Variants in ANKS1B observed in about 807,000 individuals in gnomAD.
ANKS1B encodes the protein ankyrin repeat and sterile alpha motif domain-containing protein 1B.
Under a neutral mutation model 148.3 loss-of-function variants are expected in ANKS1B, and 36 were observed. That is an observed-to-expected ratio of 0.24 (90% confidence interval 0.19 to 0.32). The LOEUF (loss-of-function observed/expected upper bound fraction) is 0.32. ANKS1B is among the 10% of genes least tolerant of loss of function. ANKS1B has a pLI of 1.00. For missense variants in ANKS1B, 1,157 were observed against 1,542.6 expected (o/e 0.75, Z 4.19); for synonymous variants, 542 against 560.8 (o/e 0.97, Z 0.47).
chr12:99,503,243 A>C (rs1214693225), intron 10 of ANKS1B, among the ~76,000 whole-genome samples: 1 of 152,248 alleles, frequency 6.6e-6, no homozygotes, highest in Non-Finnish European at 1.5e-5. Context: ...CTAAGAATAT[A>C]GGCATGAGCC....
chr12:99,305,026 G>T (rs1371895992), intron 12 of ANKS1B, among the ~76,000 whole-genome samples: 1 of 152,102 alleles, frequency 6.6e-6, no homozygotes, highest in Non-Finnish European at 1.5e-5. Context: ...TTCCAGTGAG[G>T]CCTCAGGAAG....
chr12:99,658,619 GCT>G (rs1384778412), intron 8 of ANKS1B, among the ~76,000 whole-genome samples: 1 of 152,020 alleles, frequency 6.6e-6, no homozygotes, highest in Admixed American at 6.5e-5. Flanking sequence ...TTAAATCCTA[GCT>G]CTACCACTTC....
chr12:99,963,950 CTCAGT>C (rs1273210833), intron 1 of ANKS1B, among the ~76,000 whole-genome samples: 2 of 152,182 alleles, frequency 1.3e-5, no homozygotes, highest in Admixed American at 6.5e-5. Context: ...CAGTTAATAT[CTCAGT>C]TCTTTTATAA....
chr12:98,788,589 C>T (rs2098819198), intron 22 of ANKS1B, among the ~76,000 whole-genome samples: 1 of 152,214 alleles, frequency 6.6e-6, no homozygotes, highest in South Asian at 2.1e-4. Context: ...ATTGAAACCA[C>T]ACCTCCTGCA....
At chr12:99,459,921 G>A (rs1033467377) in intron 10 of ANKS1B, among the ~76,000 whole-genome samples, 3 of 151,794 alleles carry the variant, frequency 2.0e-5, no homozygotes, top group Admixed American at 6.6e-5. Context: ...AAATTCATAC[G>A]GACCCCAAAA....
chr12:98,952,893 C>T (rs2099856209), intron 17 of ANKS1B, among the ~76,000 whole-genome samples: 2 of 152,120 alleles, frequency 1.3e-5, no homozygotes, highest in African/African-American at 4.8e-5. Flanking sequence ...GCTTCTCATC[C>T]CACTGCCCAT....
chr12:99,883,855 G>A (rs999567326), intron 1 of ANKS1B, among the ~76,000 whole-genome samples: 1 of 152,304 alleles, frequency 6.6e-6, no homozygotes, highest in South Asian at 2.1e-4. Context: ...GGCAGAGGTT[G>A]TAGTGAGCTG....
At chr12:99,612,260 T>G in intron 9 of ANKS1B, among the ~76,000 whole-genome samples, 1 of 152,112 alleles carries the variant, frequency 6.6e-6, no homozygotes, top group East Asian at 1.9e-4. Context: ...TAAGTTTTTA[T>G]TTGACATAGT....
At chr12:98,778,352 T>C (rs1489936234) in intron 24 of ANKS1B, among the ~76,000 whole-genome samples, 1 of 152,196 alleles carries the variant, frequency 6.6e-6, no homozygotes, top group Non-Finnish European at 1.5e-5. Context: ...GGCACACACC[T>C]GTAATCCCAG....
At chr12:99,702,575 C>A (rs1474289108) in intron 8 of ANKS1B, among the ~76,000 whole-genome samples, 1 of 151,968 alleles carries the variant, frequency 6.6e-6, no homozygotes, top group African/African-American at 2.4e-5. Context: ...CAGCGTCTTG[C>A]TCTATCGCTC....
chr12:99,216,530 G>C (rs1053144334), intron 14 of ANKS1B, among the ~76,000 whole-genome samples: 1 of 151,914 alleles, frequency 6.6e-6, no homozygotes, highest in Non-Finnish European at 1.5e-5. Flanking sequence ...TTTTCTAGTT[G>C]ATTTTGAAGC....
intron 1 of ANKS1B, among the ~76,000 whole-genome samples, chr12:99,931,041 A>G (rs1013291900): frequency 3.3e-5 from 5 of 152,230 alleles, no homozygotes; most frequent in African/African-American, 1.2e-4. Context: ...TGTCCTTTGT[A>G]GGGACATGGA....
At chr12:98,917,982 T>A (rs1013708329) in intron 17 of ANKS1B, among the ~76,000 whole-genome samples, 1 of 152,200 alleles carries the variant, frequency 6.6e-6, no homozygotes, top group African/African-American at 2.4e-5. Context: ...TCCTTTTAAG[T>A]AGAATGGATA....
intron 25 of ANKS1B, among the ~76,000 whole-genome samples, chr12:98,756,959 CCT>C (rs1378387114): frequency 6.6e-6 from 1 of 151,772 alleles, no homozygotes; most frequent in East Asian, 2.0e-4. Context: ...GAACTCCTGT[CCT>C]CAGGTGATCC....
intron 1 of ANKS1B, among the ~76,000 whole-genome samples, chr12:99,944,421 G>T (rs1318703584): frequency 6.6e-6 from 1 of 152,106 alleles, no homozygotes. Flanking sequence ...GCTCCTCAGG[G>T]TTCCCATGAA....
At chr12:99,434,394 G>C (rs1469041415) in intron 11 of ANKS1B, among the ~76,000 whole-genome samples, 1 of 151,918 alleles carries the variant, frequency 6.6e-6, no homozygotes, top group Non-Finnish European at 1.5e-5. Flanking sequence ...CAGCTTTACA[G>C]ACCAATACAT....
intron 14 of ANKS1B, among the ~76,000 whole-genome samples, chr12:99,200,448 T>C (rs1049991580): frequency 3.9e-5 from 6 of 152,230 alleles, no homozygotes; most frequent in African/African-American, 1.2e-4. Flanking sequence ...TAGAACTATG[T>C]AGCAGATTCT....
At chr12:99,013,730 G>C (rs1268276177) in intron 17 of ANKS1B, among the ~76,000 whole-genome samples, 1 of 152,124 alleles carries the variant, frequency 6.6e-6, no homozygotes, top group Non-Finnish European at 1.5e-5. Context: ...CAGTCAAGCT[G>C]AGAGCCAAAT....
intron 17 of ANKS1B, among the ~76,000 whole-genome samples, chr12:98,878,932 C>CT (rs1555452090): frequency 2.6e-5 from 4 of 152,098 alleles, no homozygotes; most frequent in Non-Finnish European, 1.5e-5. Flanking sequence ...AATTTTTAAG[C>CT]TTTTTTCAAT....
Sources: gnomAD v4.1 joint callset for allele counts (sites outside exome capture counted in the v4.1 genomes callset) on GRCh38, gnomAD v4.1.1 for gene constraint, MANE v1.5 for transcripts, NCBI Gene and HGNC (gene_info 2026-07-23, HGNC 2026-07-21) for gene names.